MRPS9: variants seen among roughly 807,000 people sequenced by gnomAD.
MRPS9 encodes the protein small ribosomal subunit protein uS9m.
Under a neutral mutation model 59.9 loss-of-function variants are expected in MRPS9, and 45 were observed. The observed-to-expected ratio is 0.75, with a 90% confidence interval of 0.59 to 0.96. The LOEUF (loss-of-function observed/expected upper bound fraction) is 0.96, where lower values mean the gene tolerates loss of function less well. MRPS9 is among the 40% of genes least tolerant of loss of function. The pLI is 0.00. For missense variants in MRPS9, 473 were observed against 481.1 expected (o/e 0.98, Z 0.16); for synonymous variants, 171 against 166.8 (o/e 1.03, Z -0.19).
intron 2 of MRPS9, among the ~76,000 whole-genome samples, chr2:105,065,513 C>T (rs987740207): frequency 6.6e-6 from 1 of 151,774 alleles, no homozygotes; most frequent in Non-Finnish European, 1.5e-5. Flanking sequence ...TTATAAATAC[C>T]TTTTTAAATT....
At chr2:105,045,761 A>G (rs1327416712) in intron 1 of MRPS9, among the ~76,000 whole-genome samples, 1 of 151,086 alleles carries the variant, frequency 6.6e-6, no homozygotes, top group Admixed American at 6.6e-5. Flanking sequence ...AAATTGACAA[A>G]AGATTACAGA....
intron 1 of MRPS9, among the ~76,000 whole-genome samples, chr2:105,041,394 A>C (rs1679499815): frequency 6.6e-6 from 1 of 152,150 alleles, no homozygotes; most frequent in Non-Finnish European, 1.5e-5. Flanking sequence ...TTAAATATTC[A>C]GTTTTTGCCA....
chr2:105,089,021 A>C lies in MRPS9; in HGVS notation c.527A>C (p.Gln176Pro), dbSNP rs1156608177. 3 of 1,611,836 alleles carry C rather than the reference A, an allele frequency of 1.9e-6. No homozygotes were observed. The African/African-American group carries it at 4.0e-5, about 21-fold the overall frequency. The change falls in exon 6 of 11, where the codon CAA becomes CCA. Residue 176 changes from glutamine (Q) to proline (P), a missense_variant. Physicochemically the swap from Gln to Pro is moderately conservative, Grantham distance 76. Transcript: ENST00000258455. ...ATGTTACTCAATTTAGAAAAACATC[A>C]AAGTCACTTGCAAGCCAAAAGTCTG... ...YGMLLNLEKH[Q>P]SHLQAKSLLP...
intron 5 of MRPS9, among the ~76,000 whole-genome samples, chr2:105,080,707 G>C (rs906131645): frequency 2.0e-5 from 3 of 152,078 alleles, no homozygotes; most frequent in Admixed American, 6.5e-5. Context: ...TTTAGAACAT[G>C]ATATCAAGTT....
chr2:105,060,888 G>C (rs1320225857), intron 2 of MRPS9, among the ~76,000 whole-genome samples: 6 of 151,658 alleles, frequency 4.0e-5, no homozygotes, highest in Non-Finnish European at 8.8e-5. Flanking sequence ...GAGGCGGGCA[G>C]ATCACGAGGT....
At chr2:105,080,918 AAAAAC>A (rs1301669067) in intron 5 of MRPS9, among the ~76,000 whole-genome samples, 1 of 145,556 alleles carries the variant, frequency 6.9e-6, no homozygotes, top group Non-Finnish European at 1.6e-5. Flanking sequence ...GGGGAAAAAA[AAAAAC>A]AACCTTCTTT....
chr2:105,090,140 A>C, intron 7 of MRPS9, 145 bp downstream of exon 7: 1 of 489,166 alleles, frequency 2.0e-6, no homozygotes, highest in Non-Finnish European at 3.6e-6. Flanking sequence ...ACAAAACAAA[A>C]CAAAACAAAA....
chr2:105,069,211 A>C (rs1174887089), intron 2 of MRPS9, among the ~76,000 whole-genome samples: 1 of 125,884 alleles, frequency 7.9e-6, no homozygotes, highest in African/African-American at 2.9e-5. Context: ...TTAATTGGTC[A>C]ATCTTTTTTT....
chr2:105,065,018 C>T (rs1679974935), intron 2 of MRPS9, among the ~76,000 whole-genome samples: 1 of 152,040 alleles, frequency 6.6e-6, no homozygotes, highest in Non-Finnish European at 1.5e-5. Flanking sequence ...TACAGCAGCC[C>T]CTATATTTGA....
In MRPS9 at chr2:105,093,566, A is replaced by G; in HGVS notation, c.857A>G (p.Tyr286Cys). ...RKTAKAEAIV[Y>C]KHGSGRIKVN... ...ACTGCAAAAGCAGAAGCAATTGTTT[A>G]TAAACATGGAAGTGGAAGAATAAAA... Residue 286 changes from tyrosine to cysteine, a missense_variant, in exon 9 of 11, where the codon TAT becomes TGT. Transcript: ENST00000258455. 1.2e-6 allele frequency: 2 copies of G among 1,607,488 alleles called. No homozygotes were observed. Among genetic ancestry groups the G allele is most frequent in the Non-Finnish European group, 1.7e-6 (2 of 1,176,390 alleles).
At chr2:105,070,566 TTTG>T (rs1680094136) in intron 2 of MRPS9, among the ~76,000 whole-genome samples, 1 of 152,044 alleles carries the variant, frequency 6.6e-6, no homozygotes, top group African/African-American at 2.4e-5. Flanking sequence ...AAGTGTACAT[TTTG>T]TTGTTGTGAG....
chr2:105,079,432 A>G (rs1680285142), intron 4 of MRPS9, among the ~76,000 whole-genome samples: 1 of 152,148 alleles, frequency 6.6e-6, no homozygotes, highest in Admixed American at 6.5e-5. Context: ...TCTGTATTTC[A>G]GAAGGAATTA....
intron 4 of MRPS9, among the ~76,000 whole-genome samples, chr2:105,075,816 G>A (rs1269634710): frequency 1.3e-5 from 2 of 151,944 alleles, no homozygotes; most frequent in Non-Finnish European, 2.9e-5. Context: ...AATTTTTTTG[G>A]TAAAAACACA....
At chr2:105,065,030 A>G (rs1293860025) in intron 2 of MRPS9, among the ~76,000 whole-genome samples, 1 of 152,110 alleles carries the variant, frequency 6.6e-6, no homozygotes, top group African/African-American at 2.4e-5. Flanking sequence ...TATATTTGAG[A>G]CTATGTATAC....
chr2:105,039,297 ATCTAT>A (rs1679457911), intron 1 of MRPS9, among the ~76,000 whole-genome samples: 1 of 147,440 alleles, frequency 6.8e-6, no homozygotes, highest in African/African-American at 2.5e-5. Context: ...AGTCCATTCT[ATCTAT>A]TCATGTGGAC....
intron 5 of MRPS9, 107 bp downstream of exon 5, chr2:105,080,169 C>CA: frequency 1.5e-6 from 1 of 655,714 alleles, no homozygotes; most frequent in Non-Finnish European, 2.4e-6. Context: ...TTATAATTGA[C>CA]AAAAATAAGA....
chr2:105,093,488 G>T, intron 8 of MRPS9, 42 bp from the exon 9 acceptor site: 2 of 1,200,530 alleles, frequency 1.7e-6, no homozygotes, highest in South Asian at 1.4e-5. Flanking sequence ...CAAAGCGCAG[G>T]TCTTCAAGAT....
chr2:105,084,810 TA>T (rs1377192819), intron 5 of MRPS9, among the ~76,000 whole-genome samples: 1 of 152,194 alleles, frequency 6.6e-6, no homozygotes, highest in African/African-American at 2.4e-5. Flanking sequence ...GAGGTGTCTT[TA>T]ATGTATATTT....
chr2:105,097,939 A>G (rs931406759), intron 10 of MRPS9, among the ~76,000 whole-genome samples: 1 of 152,174 alleles, frequency 6.6e-6, no homozygotes, highest in African/African-American at 2.4e-5. Flanking sequence ...GCCTCAAACA[A>G]TCCTGCCTTG....
Sources: gnomAD v4.1 joint callset for allele counts (sites outside exome capture counted in the v4.1 genomes callset) on GRCh38, gnomAD v4.1.1 for gene constraint, MANE v1.5 for transcripts, NCBI Gene and HGNC (gene_info 2026-07-23, HGNC 2026-07-21) for gene names.